Variants in DMD observed in about 807,000 individuals in gnomAD.
The protein encoded by DMD is mutant dystrophin.
Under a neutral mutation model 330.1 loss-of-function variants are expected in DMD, and 63 were observed. The observed-to-expected ratio is 0.19, with a 90% CI of 0.16 to 0.24. The LOEUF is 0.24. Ranked by LOEUF, DMD falls within the 10% of genes least tolerant of loss-of-function variation. DMD has a pLI of 1.00. For synonymous variants in DMD, 1,223 were observed against 959.8 expected (o/e 1.27, Z -5.07); for missense variants, 3,344 against 2,684.1 (o/e 1.25, Z -5.43).
chrX:32,397,669 A>T (rs2098054932), intron 30 of DMD, among the ~76,000 whole-genome samples: 1 of 111,656 alleles, frequency 9.0e-6, no homozygotes, highest in Non-Finnish European at 1.9e-5. Flanking sequence ...AAAATTATAG[A>T]ACCAAAAAAT....
At chrX:32,042,026 C>CAT (rs57983190) in intron 44 of DMD, among the ~76,000 whole-genome samples, 2,822 of 40,261 alleles carry the variant, frequency 0.07, 141 homozygotes, top group East Asian at 0.1. Flanking sequence ...TCTCTCTGTT[C>CAT]ATATATATAT....
At chrX:32,376,215 C>CA (rs958433882) in intron 34 of DMD, among the ~76,000 whole-genome samples, 7 of 111,548 alleles carry the variant, frequency 6.3e-5, no homozygotes, top group African/African-American at 2.3e-4. Flanking sequence ...CAGGAGGTTG[C>CA]AGTGAGCCGA....
chrX:33,179,780 C>T (rs1018530204), intron 1 of DMD, among the ~76,000 whole-genome samples: 3 of 109,459 alleles, frequency 2.7e-5, no homozygotes, highest in Non-Finnish European at 5.7e-5. Context: ...AAAATAAAGC[C>T]AATCAGCATA....
Position 31,201,158 on chromosome X carries a change from T to TACACACACAC in DMD, c.9807+2793_9807+2802dup, listed in dbSNP as rs57235865. On this transcript the variant is annotated intron_variant, in intron 67 of 78. Transcript: ENST00000357033. ...CTAGGCAACATGGCGAGAGACCCTG[T>TACACACACAC]ACACACACACACACACACACACACA... 2.7e-3 allele frequency among the ~76,000 whole-genome samples: 269 copies of TACACACACAC among 98,300 alleles called. 5 individuals carry two copies. Among genetic ancestry groups the TACACACACAC allele is most frequent in the African/African-American group, 7.7e-3 (201 of 25,947 alleles). The allele number at this position is 98,300 out of a possible 115,157, so 85.4% of individuals were successfully genotyped here. A position where few individuals can be genotyped will look rare whatever the true frequency, so the allele number is the denominator to read the frequency against.
intron 60 of DMD, among the ~76,000 whole-genome samples, chrX:31,380,023 G>A (rs2060084202): frequency 9.0e-6 from 1 of 111,118 alleles, no homozygotes; most frequent in Non-Finnish European, 1.9e-5. Flanking sequence ...CACAGATGCC[G>A]ATCTTCAGGT....
chrX:33,162,154 T>A (rs761831628), intron 1 of DMD, among the ~76,000 whole-genome samples: 1 of 112,113 alleles, frequency 8.9e-6, no homozygotes, highest in African/African-American at 3.2e-5. Flanking sequence ...TCAAAGAATC[T>A]TATATTCCTC....
chrX:32,581,573 G>A (rs1020083727), intron 13 of DMD, among the ~76,000 whole-genome samples: 3 of 111,652 alleles, frequency 2.7e-5, no homozygotes, highest in African/African-American at 6.5e-5. Context: ...CAAATGATTC[G>A]AGCTGACTCC....
At chrX:32,016,952 G>A (rs892318706) in intron 44 of DMD, among the ~76,000 whole-genome samples, 10 of 112,457 alleles carry the variant, frequency 8.9e-5, no homozygotes, top group African/African-American at 3.2e-4. Flanking sequence ...CAACAAATAT[G>A]TCAACACAAG....
intron 7 of DMD, among the ~76,000 whole-genome samples, chrX:32,721,123 A>G (rs1347486817): frequency 9.0e-6 from 1 of 110,600 alleles, no homozygotes; most frequent in Admixed American, 9.7e-5. Flanking sequence ...CACTCAGGTT[A>G]TTTTCATATC....
intron 7 of DMD, among the ~76,000 whole-genome samples, chrX:32,805,872 C>T (rs766215840): frequency 2.7e-5 from 3 of 111,863 alleles, no homozygotes; most frequent in Admixed American, 9.5e-5. Flanking sequence ...GCTTTAAAGA[C>T]GAGCAAATGC....
chrX:31,963,596 T>A, intron 45 of DMD, among the ~76,000 whole-genome samples: 1 of 111,135 alleles, frequency 9.0e-6, no homozygotes, highest in Middle Eastern at 4.6e-3. Flanking sequence ...TACGTACTAT[T>A]CACCTCTAAA....
At chrX:31,917,724 C>CA (rs1395280064) in intron 47 of DMD, among the ~76,000 whole-genome samples, 1 of 112,358 alleles carries the variant, frequency 8.9e-6, no homozygotes, top group Non-Finnish European at 1.9e-5. Context: ...TTAATTCAGT[C>CA]ATTCATTTTC....
At position 31,227,680 on chromosome X, in the gene DMD, T is replaced by C. The variant is rs915242231; in HGVS notation, c.9287-4559A>G. On this transcript the variant is annotated intron_variant, in intron 63 of 78. Transcript: ENST00000357033. The stretch of plus-strand genomic sequence containing the variant: ...ATGGGGATGGCATTGAATCTGTAAA[T>C]TACCTTGGGCAGTATGACCATTTTC... Among the ~76,000 whole-genome samples, 4 of 111,018 alleles carry C rather than the reference T, an allele frequency of 3.6e-5. No individual in the cohort carries two copies. In the South Asian group the frequency reaches 1.6e-3, roughly 43 times the overall value.
intron 1 of DMD, among the ~76,000 whole-genome samples, chrX:33,033,366 T>C (rs1394131461): frequency 9.3e-6 from 1 of 107,584 alleles, no homozygotes; most frequent in Non-Finnish European, 1.9e-5. Context: ...TTTGTCTATA[T>C]CTTGATTGAC....
intron 77 of DMD, among the ~76,000 whole-genome samples, chrX:31,128,862 T>A (rs1202770933): frequency 1.8e-5 from 2 of 112,266 alleles, no homozygotes; most frequent in Non-Finnish European, 3.8e-5. Context: ...ACAAATGATA[T>A]TTTCTACTGT....
chrX:33,267,267 T>C (rs1454111907), intron 1 of DMD, among the ~76,000 whole-genome samples: 6 of 110,811 alleles, frequency 5.4e-5, no homozygotes, highest in Admixed American at 9.7e-5. Context: ...CCATTTACAA[T>C]AGCCAAAGAA....
At chrX:31,828,043 GAAGAA>G (rs1444110173) in intron 49 of DMD, among the ~76,000 whole-genome samples, 1 of 111,240 alleles carries the variant, frequency 9.0e-6, no homozygotes, top group Non-Finnish European at 1.9e-5. Context: ...AAATCCAGCA[GAAGAA>G]AAGAAATAAC....
At chrX:32,189,102 AATT>A (rs1176795347) in intron 44 of DMD, among the ~76,000 whole-genome samples, 1 of 110,660 alleles carries the variant, frequency 9.0e-6, no homozygotes, top group African/African-American at 3.3e-5. Context: ...GTATTTTTAA[AATT>A]ATTTCACAGA....
rs775377138 is a variant in DMD, at chrX:32,522,609, A to C, written c.2169-4478T>G. 1.2e-4 allele frequency among the ~76,000 whole-genome samples: 13 copies of C among 112,431 alleles called. No individual in the cohort carries two copies. In the South Asian group the frequency reaches 3.3e-3, roughly 29 times the overall value. On this transcript the variant is annotated intron_variant, in intron 17 of 78. Coordinates refer to ENST00000357033, the MANE Select transcript of DMD (RefSeq NM_004006.3). ...AGACTTTCTCATTTTTCTTAGAATAAAGAACAAAATTTCAACATGATCCTT... is the reference window on the plus strand; with the variant it reads ...AGACTTTCTCATTTTTCTTAGAATACAGAACAAAATTTCAACATGATCCTT...
Sources: allele counts gnomAD v4.1 joint callset (sites outside exome capture counted in the v4.1 genomes callset), GRCh38; gene constraint gnomAD v4.1.1; transcripts MANE v1.5; gene names NCBI Gene and HGNC (gene_info 2026-07-23, HGNC 2026-07-21).